Variants in SEMA3A observed in about 807,000 individuals in gnomAD.
SEMA3A encodes the protein semaphorin-3A.
Under a neutral mutation model 97.9 loss-of-function variants are expected in SEMA3A, and 29 were observed. The ratio of observed to expected loss-of-function variants is 0.30; its 90% CI spans 0.22 to 0.40. The LOEUF (loss-of-function observed/expected upper bound fraction) is 0.40. Among genes scored for constraint, SEMA3A ranks in the 10% least tolerant of loss-of-function variants. The pLI, the probability that SEMA3A is intolerant of heterozygous loss-of-function variation, is 1.00. For missense variants in SEMA3A, 763 were observed against 951.3 expected, an observed-to-expected ratio of 0.80 and a Z score of 2.60; for synonymous variants, 321 against 323.7, an observed-to-expected ratio of 0.99 and a Z score of 0.09.
At chr7:84,151,585 C>A (rs1419887657) in intron 1 of SEMA3A, among the ~76,000 whole-genome samples, 1 of 152,026 alleles carries the variant, frequency 6.6e-6, no homozygotes, top group African/African-American at 2.4e-5. Context: ...AAATATGGGA[C>A]TATGTGAAGA....
At chr7:84,184,186 G>GT (rs1222194993) in intron 1 of SEMA3A, among the ~76,000 whole-genome samples, 17 of 151,860 alleles carry the variant, frequency 1.1e-4, no homozygotes, top group Middle Eastern at 3.4e-3. Flanking sequence ...GCGTCAGAAC[G>GT]TTTTTTTTAA....
chr7:84,382,631 G>C (rs1293873143), intron 1 of SEMA3A, among the ~76,000 whole-genome samples: 1 of 149,200 alleles, frequency 6.7e-6, no homozygotes, highest in Non-Finnish European at 1.5e-5. Flanking sequence ...GGCCAAGGCG[G>C]GCAGATCATG....
At chr7:84,190,793 C>A (rs543504838) in intron 1 of SEMA3A, among the ~76,000 whole-genome samples, 1 of 149,034 alleles carries the variant, frequency 6.7e-6, no homozygotes, top group Non-Finnish European at 1.5e-5. Flanking sequence ...CAACAATTTA[C>A]GAAGAATTGT....
At chr7:84,390,678 A>T (rs920850044) in intron 1 of SEMA3A, among the ~76,000 whole-genome samples, 2 of 152,042 alleles carry the variant, frequency 1.3e-5, no homozygotes, top group Admixed American at 6.6e-5. Context: ...ATACCTCTAA[A>T]TGTAGTAGTG....
intron 3 of SEMA3A, among the ~76,000 whole-genome samples, chr7:84,123,044 A>C (rs891909863): frequency 2.0e-5 from 3 of 152,202 alleles, no homozygotes. Context: ...TATTTCTAAC[A>C]GTCATACGGT....
At chr7:84,472,450 T>C (rs1208283261) in intron 1 of SEMA3A, among the ~76,000 whole-genome samples, 1 of 152,194 alleles carries the variant, frequency 6.6e-6, no homozygotes, top group African/African-American at 2.4e-5. Context: ...TGCTTCGTGC[T>C]TCGTATTATA....
At chr7:84,241,373 T>C (rs1799360059) in intron 3 of SEMA3A, among the ~76,000 whole-genome samples, 1 of 152,242 alleles carries the variant, frequency 6.6e-6, no homozygotes. Context: ...GAGCTTTTTT[T>C]CATATGTTTA....
chr7:84,468,842 C>T (rs1584346693), intron 1 of SEMA3A, among the ~76,000 whole-genome samples: 2 of 151,266 alleles, frequency 1.3e-5, no homozygotes, highest in African/African-American at 2.4e-5. Context: ...AAATGATTCT[C>T]TTTAGTAAAA....
At chr7:84,421,886 A>T (rs1210141508) in intron 1 of SEMA3A, among the ~76,000 whole-genome samples, 1 of 152,034 alleles carries the variant, frequency 6.6e-6, no homozygotes, top group African/African-American at 2.4e-5. Context: ...TGTGGTGGAT[A>T]AGGTTTTTGA....
chr7:84,409,061 ATATATG>A (rs1804189544), intron 1 of SEMA3A, among the ~76,000 whole-genome samples: 1 of 148,782 alleles, frequency 6.7e-6, no homozygotes, highest in African/African-American at 2.4e-5. Flanking sequence ...AAAAATATAT[ATATATG>A]TATATATATA....
intron 3 of SEMA3A, among the ~76,000 whole-genome samples, chr7:84,290,454 T>C (rs1470339097): frequency 6.6e-6 from 1 of 151,896 alleles, no homozygotes; most frequent in Non-Finnish European, 1.5e-5. Context: ...TTTTTTCCTA[T>C]TTATCTTAAC....
At chr7:83,989,168 A>G (rs1789778104) in intron 12 of SEMA3A, among the ~76,000 whole-genome samples, 1 of 152,160 alleles carries the variant, frequency 6.6e-6, no homozygotes, top group African/African-American at 2.4e-5. Context: ...CGAAATTCAA[A>G]GAAAGTGTTT....
Position 84,165,156 on chromosome 7 carries a change from G to A in SEMA3A, c.112+29319C>T, listed in dbSNP as rs115067839. On this transcript the variant is annotated intron_variant, in intron 1 of 16. Coordinates refer to ENST00000265362, the MANE Select transcript of SEMA3A (RefSeq NM_006080.3). ...CTGGGAGTTGGAGGTTGAGTGAACC[G>A]TGATAGCGCCATTGCACTCCCGCCT... Among the ~76,000 whole-genome samples the A allele has an allele frequency of 2.7e-3, 409 of 152,170 alleles. 2 individuals are homozygous for A. The highest frequency in any genetic ancestry group is 9.4e-3 in the African/African-American group (391 of 41,510).
intron 2 of SEMA3A, among the ~76,000 whole-genome samples, chr7:84,337,923 T>G (rs1041259614): frequency 1.3e-5 from 2 of 152,028 alleles, no homozygotes; most frequent in Non-Finnish European, 2.9e-5. Flanking sequence ...GAGGAGAACA[T>G]TACAAATACA....
At chr7:84,204,871 G>C (rs1476049986) in intron 3 of SEMA3A, among the ~76,000 whole-genome samples, 2 of 152,174 alleles carry the variant, frequency 1.3e-5, no homozygotes, top group Non-Finnish European at 2.9e-5. Context: ...AATTGAAAGA[G>C]AGCAACGTTT....
chr7:84,445,273 C>T lies in SEMA3A; in HGVS notation c.-246+47187G>A, dbSNP rs375363703. ...TTGGGAGGCTGAGGCGGGCGGATCA[C>T]GAGTTCAGGAGATCAAGGCCATCCT... On this transcript the variant is annotated intron_variant, in intron 1 of 3. Transcript: ENST00000424555. Among the ~76,000 whole-genome samples the T allele has an allele frequency of 7.2e-4, 109 of 151,444 alleles. 1 individual carries two copies. Among genetic ancestry groups the T allele is most frequent in the African/African-American group, 2.4e-3 (98 of 41,276 alleles).
chr7:84,409,775 G>C (rs193260560), intron 1 of SEMA3A, among the ~76,000 whole-genome samples: 154 of 152,148 alleles, frequency 1.0e-3, no homozygotes, highest in Admixed American at 2.7e-3. Flanking sequence ...GAAAAACTAA[G>C]CTATGGCATA....
At chr7:84,283,790 A>T (rs141672160) in intron 3 of SEMA3A, among the ~76,000 whole-genome samples, 115 of 152,310 alleles carry the variant, frequency 7.6e-4, no homozygotes, top group African/African-American at 2.6e-3. Flanking sequence ...AATTTTGCAT[A>T]TGGAAACATA....
intron 3 of SEMA3A, among the ~76,000 whole-genome samples, chr7:84,122,280 A>G (rs1173368134): frequency 2.0e-5 from 3 of 152,122 alleles, no homozygotes; most frequent in South Asian, 2.1e-4. Flanking sequence ...ATGAACAGAC[A>G]CTTCTCAAAA....
Sources: gnomAD v4.1 joint callset for allele counts (sites outside exome capture counted in the v4.1 genomes callset) on GRCh38, gnomAD v4.1.1 for gene constraint, MANE v1.5 for transcripts, NCBI Gene and HGNC (gene_info 2026-07-23, HGNC 2026-07-21) for gene names.